ZNF534: variants seen among roughly 807,000 people sequenced by gnomAD.
The protein encoded by ZNF534 is zinc finger protein 534.
Under a neutral mutation model 13.6 loss-of-function variants are expected in ZNF534, and 19 were observed. That is an observed-to-expected ratio of 1.40 (90% CI 0.97 to 2.05). The LOEUF is 2.05. ZNF534 is among the 30% of genes most tolerant of loss of function. The pLI is 0.00. For missense variants in ZNF534, 782 were observed against 796.3 expected, an observed-to-expected ratio of 0.98 and a Z score of 0.22; for synonymous variants, 244 against 273.8, an observed-to-expected ratio of 0.89 and a Z score of 1.07.
intron 1 of ZNF534, among the ~76,000 whole-genome samples, chr19:52,430,770 ACTC>A (rs372781217): frequency 1.0e-3 from 152 of 147,356 alleles, no homozygotes; most frequent in African/African-American, 3.6e-3. Context: ...CTGATCTTGA[ACTC>A]CTGACCTCGT....
downstream of ZNF534, among the ~76,000 whole-genome samples, chr19:52,446,463 A>G (rs1211603260): frequency 6.6e-6 from 1 of 152,100 alleles, no homozygotes; most frequent in East Asian, 1.9e-4. Flanking sequence ...CACTCACTCT[A>G]GAGATTTTTT....
At chr19:52,445,596 A>G (rs979989003), downstream of ZNF534, among the ~76,000 whole-genome samples, 4 of 152,136 alleles carry the variant, frequency 2.6e-5, no homozygotes, top group Non-Finnish European at 5.9e-5. Flanking sequence ...CTTGGCAGAC[A>G]ATCTTCCTTT....
downstream of ZNF534, among the ~76,000 whole-genome samples, chr19:52,444,523 G>A (rs934726401): frequency 1.3e-5 from 2 of 152,254 alleles, no homozygotes; most frequent in East Asian, 1.9e-4. Context: ...AGCTGTGGTA[G>A]TATGGGGAGG....
rs755948461 is a variant in ZNF534, at chr19:52,441,677, C to G, written c.*2231C>G. Among the ~76,000 whole-genome samples the G allele has an allele frequency of 7.2e-5, 11 of 152,186 alleles. No homozygotes were observed. The highest frequency in any genetic ancestry group is 1.5e-4 in the Non-Finnish European group (10 of 68,040). ...CCCATCTTGTAATCCATACTGCAGA[C>G]AAACCTTACAACTGTAATGAATGTG... On this transcript the variant is annotated 3_prime_UTR_variant, in exon 5 of 5. Transcript: ENST00000433050.
chr19:52,438,553 C>G lies in ZNF534; in HGVS notation c.1093C>G (p.Arg365Gly). The change falls in exon 5 of 5, where the codon CGA becomes GGA. Residue 365 changes from arginine to glycine, a missense_variant. Coordinates refer to ENST00000433050, the MANE Select transcript of ZNF534 (RefSeq NM_001143938.3). ...KCNECGKGFS[R>G]IAFLARHRKV... Reference sequence around the variant, plus strand: ...TAATGAATGTGGCAAGGGGTTTAGTCGAATTGCATTCCTTGCAAGGCATCG... The same window carrying G: ...TAATGAATGTGGCAAGGGGTTTAGTGGAATTGCATTCCTTGCAAGGCATCG... The G allele has an allele frequency of 1.3e-6, 2 of 1,580,438 alleles. No homozygotes were observed. Among genetic ancestry groups the G allele is most frequent in the Non-Finnish European group, 1.7e-6 (2 of 1,162,432 alleles).
intron 4 of ZNF534, among the ~76,000 whole-genome samples, chr19:52,448,675 T>G (rs1413048340): frequency 6.6e-6 from 1 of 152,190 alleles, no homozygotes; most frequent in African/African-American, 2.4e-5. Context: ...CAACGTGAGC[T>G]CTAGTCTCTT....
downstream of ZNF534, among the ~76,000 whole-genome samples, chr19:52,445,675 C>T (rs2868684): frequency 0.91 from 138,265 of 151,118 alleles, 63,605 homozygotes; most frequent in Non-Finnish European, 0.96. Context: ...GCAAGAGCAA[C>T]CAACTTCCTT....
chr19:52,448,196 A>G, intron 4 of ZNF534, among the ~76,000 whole-genome samples: 1 of 152,048 alleles, frequency 6.6e-6, no homozygotes, highest in East Asian at 1.9e-4. Flanking sequence ...TGGGCTGATC[A>G]CTTGAGGTCA....
intron 1 of ZNF534, among the ~76,000 whole-genome samples, chr19:52,429,825 C>G (rs989499334): frequency 6.6e-6 from 1 of 151,912 alleles, no homozygotes; most frequent in Non-Finnish European, 1.5e-5. Flanking sequence ...GAACTCCTGA[C>G]CTCAGGTGAT....
Position 52,438,943 on chromosome 19 carries a change from A to G in ZNF534, c.1483A>G (p.Lys495Glu). Residue 495 changes from lysine to glutamate, a missense_variant, in exon 5 of 5, where the codon AAA becomes GAA. Physicochemically the swap from Lys to Glu is moderately conservative, Grantham distance 56. Around this residue, in one of 5 missense-constraint regions of ZNF534, gnomAD observed 591 missense variants for 574.0 expected, o/e 1.03. Transcript: ENST00000433050. ...RKIHTGEKLY[K>E]CNECGKVFRQ... ...AATTCATACTGGAGAGAAGCTTTAC[A>G]AATGTAATGAATGTGGCAAGGTCTT... 1.9e-6 allele frequency: 3 copies of G among 1,596,380 alleles called. No homozygotes were observed. Among genetic ancestry groups the G allele is most frequent in the Non-Finnish European group, 2.6e-6 (3 of 1,169,328 alleles).
At chr19:52,430,969 G>C (rs1423556652) in intron 1 of ZNF534, among the ~76,000 whole-genome samples, 2 of 152,030 alleles carry the variant, frequency 1.3e-5, no homozygotes, top group African/African-American at 4.8e-5. Context: ...TCCTGCCTCA[G>C]CTTCCTGAGT....
Position 52,439,804 on chromosome 19 carries a change from C to T in ZNF534, c.*358C>T, listed in dbSNP as rs900204897. Among the ~76,000 whole-genome samples, 9 of 151,650 alleles carry T rather than the reference C, an allele frequency of 5.9e-5. No homozygotes were observed. The highest frequency in any genetic ancestry group is 1.3e-4 in the Non-Finnish European group (9 of 67,984). On this transcript the variant is annotated 3_prime_UTR_variant, in exon 5 of 5. Transcript: ENST00000433050. ...AGTGAAGCTGCCAAGCATGGTGGCTCACGCCTTTAATCCCAGTACTTTGGG... is the reference window on the plus strand; with the variant it reads ...AGTGAAGCTGCCAAGCATGGTGGCTTACGCCTTTAATCCCAGTACTTTGGG...
At chr19:52,446,915 A>G (rs1220033811), downstream of ZNF534, among the ~76,000 whole-genome samples, 1 of 152,160 alleles carries the variant, frequency 6.6e-6, no homozygotes, top group African/African-American at 2.4e-5. Flanking sequence ...CCTAATATAG[A>G]TCTGCAATGC....
Position 52,451,323 on chromosome 19 carries a change from A to AT in ZNF534, c.411dup (p.Pro138SerfsTer50). 1 of 1,148,976 alleles carries AT rather than the reference A, an allele frequency of 8.7e-7. No individual in the cohort carries two copies. Among genetic ancestry groups the AT allele is most frequent in the Non-Finnish European group, 1.3e-6 (1 of 777,162 alleles). 71.2% of individuals were successfully genotyped at this position (1,148,976 alleles called of 1,614,324 possible). ...TGCCCTCGCCCCTCGCTCTGCTACC[A>AT]TTTCCTTCCGTTTCTGCTTCGCTTG... On this transcript the variant is annotated frameshift_variant, in exon 5 of 5. Coordinates refer to the ZNF534 transcript ENST00000301085. LOFTEE classifies it low-confidence loss of function (END_TRUNC).
intron 1 of ZNF534, among the ~76,000 whole-genome samples, chr19:52,430,808 A>G (rs1351757377): frequency 6.6e-6 from 1 of 150,682 alleles, no homozygotes; most frequent in Non-Finnish European, 1.5e-5. Flanking sequence ...GGCCTCTCAA[A>G]GTGCTGGGAT....
chr19:52,449,150 C>G (rs534995081), intron 4 of ZNF534, among the ~76,000 whole-genome samples: 86 of 152,316 alleles, frequency 5.6e-4, no homozygotes, highest in African/African-American at 1.7e-3. Flanking sequence ...ATGACCTCCA[C>G]TTTGACCCAT....
chr19:52,450,901 G>T (rs2059212142), intron 4 of ZNF534, among the ~76,000 whole-genome samples: 1 of 151,776 alleles, frequency 6.6e-6, no homozygotes, highest in African/African-American at 2.4e-5. Flanking sequence ...GCCCAGGTTG[G>T]TCTCAAATTC....
At chr19:52,443,033 G>C (rs759588194), downstream of ZNF534, among the ~76,000 whole-genome samples, 11 of 152,128 alleles carry the variant, frequency 7.2e-5, no homozygotes, top group Admixed American at 2.6e-4. Flanking sequence ...ATTGTTGTTA[G>C]GTATTGATTA....
At chr19:52,434,183 T>C in intron 3 of ZNF534, 102 bp downstream of exon 3, 2 of 1,499,722 alleles carry the variant, frequency 1.3e-6, no homozygotes, top group Non-Finnish European at 1.8e-6. Flanking sequence ...TTGACTGAGA[T>C]TGAAACCTGT....
Sources: allele counts gnomAD v4.1 joint callset (sites outside exome capture counted in the v4.1 genomes callset), GRCh38; gene constraint gnomAD v4.1.1; regional missense constraint gnomAD v4.1.1; transcripts MANE v1.5; gene names NCBI Gene and HGNC (gene_info 2026-07-23, HGNC 2026-07-21).